PPP5C: variants seen among roughly 807,000 people sequenced by gnomAD.
PPP5C encodes serine/threonine-protein phosphatase 5.
Under a neutral mutation model 66.7 loss-of-function variants are expected in PPP5C, and 21 were observed. That is an observed-to-expected ratio of 0.31 (90% CI 0.22 to 0.45). PPP5C has a LOEUF of 0.45. Ranked by LOEUF, PPP5C falls within the 20% of genes least tolerant of loss-of-function variation. The pLI is 1.00. For synonymous variants in PPP5C, 246 were observed against 257.4 expected (o/e 0.96, Z 0.43); for missense variants, 464 against 675.9 (o/e 0.69, Z 3.48).
Position 46,352,263 on chromosome 19 carries a change from G to A in PPP5C, c.122-1485G>A, listed in dbSNP as rs139927576. ...AGGGCTGTGTGTAAGAAGGACTCTC[G>A]GAGTGCTGTTGAGAACATTAAAATG... is the stretch of plus-strand genomic sequence containing the variant. On this transcript the variant is annotated intron_variant, in intron 1 of 12. Coordinates refer to ENST00000012443, the MANE Select transcript of PPP5C (RefSeq NM_006247.4). Among the ~76,000 whole-genome samples the A allele has an allele frequency of 3.3e-3, 495 of 152,296 alleles. 1 individual carries two copies. Among genetic ancestry groups the A allele is most frequent in the Non-Finnish European group, 5.7e-3 (389 of 68,014 alleles).
chr19:46,348,903 T>C (rs2147356200), intron 1 of PPP5C, among the ~76,000 whole-genome samples: 1 of 152,278 alleles, frequency 6.6e-6, no homozygotes, highest in Admixed American at 6.5e-5. Context: ...TGGCTTTGGC[T>C]CCATGGATGC....
In PPP5C at chr19:46,347,192, G is replaced by A. The variant is rs776588943; in HGVS notation, c.96G>A (p.Lys32=). 5 of 1,606,856 alleles carry A rather than the reference G, an allele frequency of 3.1e-6. No homozygotes were observed. Among genetic ancestry groups the A allele is most frequent in the Non-Finnish European group, 4.2e-6 (5 of 1,177,148 alleles). ...DGALKRAEEL[K]TQANDYFKAK... Reference sequence around the variant, plus strand: ...CTCTGAAGCGGGCAGAGGAGCTCAAGACTCAGGCCAATGACTACTTCAAAG... The same window carrying A: ...CTCTGAAGCGGGCAGAGGAGCTCAAAACTCAGGCCAATGACTACTTCAAAG... Residue 32 remains lysine (K), a synonymous_variant, in exon 1 of 13, where the codon AAG becomes AAA. Coordinates refer to ENST00000012443, the MANE Select transcript of PPP5C (RefSeq NM_006247.4).
chr19:46,368,236 T>C (rs1972523644), intron 2 of PPP5C, among the ~76,000 whole-genome samples: 1 of 152,246 alleles, frequency 6.6e-6, no homozygotes, highest in East Asian at 1.9e-4. Context: ...GGCTGCATCC[T>C]GGAGAATGGC....
At chr19:46,366,421 C>G (rs758949799) in intron 2 of PPP5C, among the ~76,000 whole-genome samples, 1 of 152,068 alleles carries the variant, frequency 6.6e-6, no homozygotes, top group Non-Finnish European at 1.5e-5. Flanking sequence ...TCATTGCTCA[C>G]TGCAGCCTCA....
At chr19:46,386,498 C>A (rs1003150904) in intron 7 of PPP5C, among the ~76,000 whole-genome samples, 2 of 152,006 alleles carry the variant, frequency 1.3e-5, no homozygotes, top group Admixed American at 1.3e-4. Context: ...GACTGGGCAG[C>A]CTTCTCCTTG....
chr19:46,364,933 G>A (rs1412617630), intron 2 of PPP5C, among the ~76,000 whole-genome samples: 3 of 151,986 alleles, frequency 2.0e-5, no homozygotes, highest in African/African-American at 4.8e-5. Flanking sequence ...GGGGCGGGGG[G>A]GCTGTCCTTT....
At chr19:46,355,344 G>A (rs948676452) in intron 2 of PPP5C, among the ~76,000 whole-genome samples, 5 of 152,164 alleles carry the variant, frequency 3.3e-5, no homozygotes, top group Admixed American at 1.3e-4. Context: ...TGCTTGTGTC[G>A]TGTAGGGAGG....
intron 2 of PPP5C, among the ~76,000 whole-genome samples, chr19:46,373,168 C>T (rs948777911): frequency 4.6e-5 from 7 of 152,246 alleles, no homozygotes; most frequent in Admixed American, 2.0e-4. Context: ...ACCACTGCCC[C>T]ACGCTGCCTC....
intron 1 of PPP5C, 93 bp downstream of exon 1, chr19:46,347,310 G>A: frequency 1.2e-5 from 17 of 1,466,804 alleles, no homozygotes; most frequent in Non-Finnish European, 1.5e-5. Context: ...TGCAGCCTGG[G>A]CGCGGGGCAG....
At chr19:46,384,529 C>T (rs1972850048) in intron 6 of PPP5C, 1 of 410,854 alleles carries the variant, frequency 2.4e-6, no homozygotes, top group African/African-American at 2.0e-5. Flanking sequence ...CCCCGCACCT[C>T]CCCGCCACTG....
At chr19:46,360,603 T>A (rs1416987875) in intron 2 of PPP5C, among the ~76,000 whole-genome samples, 1 of 152,114 alleles carries the variant, frequency 6.6e-6, no homozygotes, top group African/African-American at 2.4e-5. Flanking sequence ...TGGGCTCAAT[T>A]GATTCTTGTG....
intron 7 of PPP5C, 95 bp from the exon 8 acceptor site, chr19:46,386,998 G>A: frequency 6.4e-7 from 1 of 1,563,516 alleles, no homozygotes. Flanking sequence ...GGGGGCAAGG[G>A]ACGCATGCAC....
Position 46,358,603 on chromosome 19 carries a change from A to G in PPP5C, c.363+4614A>G, listed in dbSNP as rs563987950. Among the ~76,000 whole-genome samples, 4 of 152,332 alleles carry G rather than the reference A, an allele frequency of 2.6e-5. No individual in the cohort carries two copies. In the South Asian group the frequency reaches 6.2e-4, roughly 24 times the overall value. On this transcript the variant is annotated intron_variant, in intron 2 of 12. Coordinates refer to ENST00000012443, the MANE Select transcript of PPP5C (RefSeq NM_006247.4). ...AGGAAGAAACTGAGGCAAAATTAAT[A>G]TAAGTAGAGATTTTATTTGGGCCAA...
intron 1 of PPP5C, among the ~76,000 whole-genome samples, chr19:46,348,606 G>A (rs1277252900): frequency 2.6e-5 from 4 of 152,216 alleles, no homozygotes; most frequent in East Asian, 1.9e-4. Flanking sequence ...GAGCCACCAC[G>A]CCCAGCCCTA....
At chr19:46,349,994 G>A (rs962859103) in intron 1 of PPP5C, among the ~76,000 whole-genome samples, 3 of 145,926 alleles carry the variant, frequency 2.1e-5, no homozygotes, top group African/African-American at 7.5e-5. Flanking sequence ...AGGGCTGTAG[G>A]AAGGAGCCAG....
chr19:46,354,510 G>A (rs1972249568), intron 2 of PPP5C, among the ~76,000 whole-genome samples: 1 of 152,150 alleles, frequency 6.6e-6, no homozygotes, highest in South Asian at 2.1e-4. Context: ...AAGAGGAAGG[G>A]CAGTCGGGCA....
Position 46,383,809 on chromosome 19 carries a change from C to G in PPP5C, c.729C>G (p.Thr243=). The change falls in exon 6 of 13, where the codon ACC becomes ACG. Residue 243 remains threonine, a synonymous_variant. Coordinates refer to ENST00000012443, the MANE Select transcript of PPP5C (RefSeq NM_006247.4). This position sits in a 1 kb window ranked among gnomAD's most constrained non-coding sequence, Gnocchi z 5.0. The part of the protein sequence containing the change: ...ETEKITVCGD[T]HGQFYDLLNI... Reference sequence around the variant, plus strand: ...AGAAGATTACAGTATGTGGGGACACCCATGGCCAGTTCTATGACCTCCTCA... The same window carrying G: ...AGAAGATTACAGTATGTGGGGACACGCATGGCCAGTTCTATGACCTCCTCA... 6.2e-7 allele frequency: 1 copy of G among 1,613,872 alleles called. No individual in the cohort carries two copies. Among genetic ancestry groups the G allele is most frequent in the Non-Finnish European group, 8.5e-7 (1 of 1,179,858 alleles).
At chr19:46,362,730 A>G (rs901522869) in intron 2 of PPP5C, among the ~76,000 whole-genome samples, 2 of 152,076 alleles carry the variant, frequency 1.3e-5, no homozygotes, top group Non-Finnish European at 2.9e-5. Flanking sequence ...AAAGTTAGAT[A>G]CATACATATT....
At chr19:46,355,169 C>T (rs1972262389) in intron 2 of PPP5C, among the ~76,000 whole-genome samples, 1 of 152,240 alleles carries the variant, frequency 6.6e-6, no homozygotes, top group African/African-American at 2.4e-5. Flanking sequence ...CCTTATCTCT[C>T]CCACCTCAGA....
Sources: gnomAD v4.1 joint callset for allele counts (sites outside exome capture counted in the v4.1 genomes callset) on GRCh38, gnomAD v4.1.1 for gene constraint, Gnocchi (gnomAD v3.1) non-coding constraint, MANE v1.5 for transcripts, NCBI Gene and HGNC (gene_info 2026-07-23, HGNC 2026-07-21) for gene names.